BRDT: variants seen among roughly 807,000 people sequenced by gnomAD.
The protein encoded by BRDT is bromodomain testis associated, also known as bromodomain testis-specific protein.
Under a neutral mutation model 113.9 loss-of-function variants are expected in BRDT, and 77 were observed. The ratio of observed to expected loss-of-function variants is 0.68; its 90% CI spans 0.56 to 0.82. The LOEUF is 0.82. Among genes scored for constraint, BRDT ranks in the 40% least tolerant of loss-of-function variants. The pLI is 0.00. For missense variants in BRDT, 1,027 were observed against 1,105.4 expected, an observed-to-expected ratio of 0.93 and a Z score of 1.01; for synonymous variants, 358 against 366.5, an observed-to-expected ratio of 0.98 and a Z score of 0.26.
At chr1:91,978,994 T>G (rs575871430) in intron 7 of BRDT, among the ~76,000 whole-genome samples, 1 of 40,508 alleles carries the variant, frequency 2.5e-5, no homozygotes, top group East Asian at 4.8e-4. Context: ...CGAGACTACG[T>G]CTCAAAAAAA....
Position 91,962,720 on chromosome 1 carries a change from C to T in BRDT, c.-35C>T. On this transcript the variant is annotated splice_region_variant and 5_prime_UTR_variant, in exon 2 of 19. Coordinates refer to ENST00000399546, the MANE Select transcript of BRDT (RefSeq NM_207189.4). ...AGTACTCAGTTTTTGTTTTTCAGGACATGTACTTGTAGACAGGATTCAAAG... is the reference window on the plus strand; with the variant it reads ...AGTACTCAGTTTTTGTTTTTCAGGATATGTACTTGTAGACAGGATTCAAAG... 1 of 1,505,806 alleles carries T rather than the reference C, an allele frequency of 6.6e-7. No individual in the cohort carries two copies. The highest frequency in any genetic ancestry group is 8.9e-7 in the Non-Finnish European group (1 of 1,127,056). 93.3% of individuals were successfully genotyped at this position (1,505,806 alleles called of 1,614,324 possible).
intron 18 of BRDT, among the ~76,000 whole-genome samples, chr1:92,010,914 A>T: frequency 6.6e-6 from 1 of 151,446 alleles, no homozygotes. Flanking sequence ...TTCTTTGCAT[A>T]ACTAATAATC....
chr1:91,995,866 G>A (rs1686279336), intron 15 of BRDT, among the ~76,000 whole-genome samples: 1 of 152,032 alleles, frequency 6.6e-6, no homozygotes, highest in South Asian at 2.1e-4. Context: ...TCGAACTCTT[G>A]ACCTCAGATG....
In BRDT at chr1:91,986,901, A is replaced by G. The variant is rs933816488; in HGVS notation, c.2003-4283A>G. ...ATTCAAACTAGAAAGCTAAAGGTAC[A>G]TGACTAGAGTTTATTAAATTATTTT... On this transcript the variant is annotated intron_variant, in intron 12 of 18. Transcript: ENST00000399546. Among the ~76,000 whole-genome samples, 5 of 152,094 alleles carry G rather than the reference A, an allele frequency of 3.3e-5. No individual in the cohort carries two copies. The South Asian group carries it at 1.0e-3, about 32-fold the overall frequency.
At chr1:91,977,927 T>A (rs1684312641) in intron 6 of BRDT, among the ~76,000 whole-genome samples, 1 of 152,150 alleles carries the variant, frequency 6.6e-6, no homozygotes. Context: ...TTTGTTCCAG[T>A]TCTCTTTACA....
intron 18 of BRDT, among the ~76,000 whole-genome samples, chr1:92,007,203 T>C (rs879105328): frequency 6.6e-6 from 1 of 152,236 alleles, no homozygotes; most frequent in Admixed American, 6.5e-5. Context: ...TCTCTCTTTT[T>C]TTTTCTGCCC....
intron 1 of BRDT, among the ~76,000 whole-genome samples, chr1:91,961,690 ACTTTG>A (rs759304520): frequency 7.9e-5 from 12 of 152,064 alleles, no homozygotes; most frequent in Non-Finnish European, 1.5e-4. Flanking sequence ...ACATTTTTTT[ACTTTG>A]CTTTTCTCTC....
In BRDT at chr1:91,993,662, A is replaced by T. The variant is rs191476503; in HGVS notation, c.2116-421A>T. On this transcript the variant is annotated intron_variant, in intron 14 of 18. Coordinates refer to ENST00000399546, the MANE Select transcript of BRDT (RefSeq NM_207189.4). ...ATTTATCCCCTTATGTCTGTAATAC[A>T]GTAAGGAAAAATGGCTAAAGTAAGT... Among the ~76,000 whole-genome samples, 706 of 152,308 alleles carry T rather than the reference A, an allele frequency of 4.6e-3. 4 individuals carry two copies. The highest frequency in any genetic ancestry group is 0.024 in the Middle Eastern group (7 of 294).
chr1:91,966,841 C>T (rs1379640048), intron 3 of BRDT, among the ~76,000 whole-genome samples: 1 of 152,086 alleles, frequency 6.6e-6, no homozygotes, highest in Non-Finnish European at 1.5e-5. Flanking sequence ...GAGGCCAAGG[C>T]GGGTGGATCA....
Position 92,004,526 on chromosome 1 carries a change from T to C in BRDT, c.2501T>C (p.Ile834Thr), listed in dbSNP as rs1462491749. 1 of 1,613,332 alleles carries C rather than the reference T, an allele frequency of 6.2e-7. No individual in the cohort carries two copies. The highest frequency in any genetic ancestry group is 8.5e-7 in the Non-Finnish European group (1 of 1,179,720). ...ELFNQFRKAA[I>T]EKEVKARTQE... ...TTCAACCAATTTAGAAAAGCAGCCA[T>C]AGAAAAGGAAGTAAAAGCTCGGACA... The change falls in exon 17 of 19, where the codon ATA (isoleucine) becomes ACA (threonine). Residue 834 changes from isoleucine to threonine, a missense_variant. Physicochemically the swap from Ile to Thr is moderately conservative, Grantham distance 89. Coordinates refer to ENST00000399546, the MANE Select transcript of BRDT (RefSeq NM_207189.4).
intron 4 of BRDT, among the ~76,000 whole-genome samples, chr1:91,975,463 C>T (rs538930850): frequency 3.9e-5 from 6 of 152,126 alleles, no homozygotes; most frequent in Admixed American, 1.3e-4. Flanking sequence ...TATAGAGGAC[C>T]GAAGCAGAAG....
rs553096661 is a variant in BRDT, at chr1:91,970,423, C to T, written c.445+2163C>T. ...CCAATATTAAGGACATGTACCACCA[C>T]ACCCAGCTAATTTTTTTGTTTCTTA... On this transcript the variant is annotated intron_variant, in intron 4 of 18. Transcript: ENST00000399546. Among the ~76,000 whole-genome samples, 12 of 152,194 alleles carry T rather than the reference C, an allele frequency of 7.9e-5. No homozygotes were observed. In the South Asian group the frequency reaches 2.5e-3, roughly 32 times the overall value.
At chr1:91,985,990 A>C (rs1443840637) in intron 12 of BRDT, among the ~76,000 whole-genome samples, 1 of 152,212 alleles carries the variant, frequency 6.6e-6, no homozygotes, top group Non-Finnish European at 1.5e-5. Flanking sequence ...TGTCATTGCA[A>C]ATTTTAATGT....
chr1:91,979,900 T>C (rs1684553943), intron 8 of BRDT, 143 bp downstream of exon 8: 12 of 629,666 alleles, frequency 1.9e-5, no homozygotes. Flanking sequence ...TTGTAATGTT[T>C]AATAGTTTTT....
intron 2 of BRDT, among the ~76,000 whole-genome samples, chr1:91,964,007 G>A (rs1188318091): frequency 6.6e-6 from 1 of 151,964 alleles, no homozygotes; most frequent in African/African-American, 2.4e-5. Flanking sequence ...AAGTAGCTGG[G>A]AAGACAGGCA....
intron 4 of BRDT, among the ~76,000 whole-genome samples, chr1:91,969,338 A>AT (rs10625358): frequency 0.07 from 10,471 of 148,738 alleles, 445 homozygotes; most frequent in African/African-American, 0.11. Flanking sequence ...GCAGAGGTTG[A>AT]TTTTTTTTTT....
chr1:91,953,653 C>G (rs932802420), intron 1 of BRDT, among the ~76,000 whole-genome samples: 1 of 152,166 alleles, frequency 6.6e-6, no homozygotes, highest in African/African-American at 2.4e-5. Context: ...GCATTCCAGC[C>G]TGGGTGACAG....
intron 12 of BRDT, among the ~76,000 whole-genome samples, chr1:91,985,638 C>CTTT (rs57330647): frequency 0.013 from 1,400 of 108,558 alleles, 121 homozygotes; most frequent in African/African-American, 0.04. Flanking sequence ...ATTAGTTTTG[C>CTTT]TTTTTTTTTT....
At chr1:92,004,379 C>G in intron 16 of BRDT, 35 bp from the exon 17 acceptor site, 1 of 1,513,290 alleles carries the variant, frequency 6.6e-7, no homozygotes, top group South Asian at 1.3e-5. Context: ...TGGTTAACAT[C>G]TGTAGACATA....
Sources: allele counts gnomAD v4.1 joint callset (sites outside exome capture counted in the v4.1 genomes callset), GRCh38; gene constraint gnomAD v4.1.1; transcripts MANE v1.5; gene names NCBI Gene and HGNC (gene_info 2026-07-23, HGNC 2026-07-21).